The following PCDHGA5 variants were observed in gnomAD, a reference collection of about 807,000 sequenced individuals.
PCDHGA5 encodes protocadherin gamma subfamily A, 5.
In PCDHGA5, 36 loss-of-function variants were observed where a neutral mutation model predicts 56.7. The observed-to-expected ratio is 0.64, with a 90% CI of 0.49 to 0.84. PCDHGA5 has a LOEUF of 0.84. PCDHGA5 is among the 40% of genes least tolerant of loss of function. The pLI, the probability that PCDHGA5 is intolerant of heterozygous loss-of-function variation, is 0.00. For missense variants in PCDHGA5, 1,305 were observed against 1,201.5 expected, an observed-to-expected ratio of 1.09 and a Z score of -1.27; for synonymous variants, 563 against 520.2, an observed-to-expected ratio of 1.08 and a Z score of -1.12.
chr5:141,415,959 C>T, intron 1 of PCDHGA5: 3 of 443,810 alleles, frequency 6.8e-6, no homozygotes, highest in Non-Finnish European at 1.1e-5. Context: ...CATATTGAAA[C>T]TCCAGCCCCT....
chr5:141,404,333 C>A, intron 1 of PCDHGA5: 3 of 1,613,854 alleles, frequency 1.9e-6, no homozygotes, highest in South Asian at 1.1e-5. Flanking sequence ...CTCAGTCTAC[C>A]TCCCGGAAAA....
rs759437302 is a variant in PCDHGA5, at chr5:141,476,861, T to C, written c.2422-17946T>C. On this transcript the variant is annotated intron_variant, in intron 1 of 3. Transcript: ENST00000518069. The surrounding 1 kb of genome is among the most constrained non-coding windows in gnomAD (Gnocchi z 7.6). Reference sequence around the variant, plus strand: ...TGCGCCTGTCTTCAACCAGTCCTTGTACCGGGCGCGCGTCCTGGAGGATGC... The same window carrying C: ...TGCGCCTGTCTTCAACCAGTCCTTGCACCGGGCGCGCGTCCTGGAGGATGC... 6.2e-7 allele frequency: 1 copy of C among 1,613,864 alleles called. No individual in the cohort carries two copies. The highest frequency in any genetic ancestry group is 1.7e-5 in the Admixed American group (1 of 60,034).
At chr5:141,459,710 C>T (rs2098973565) in intron 1 of PCDHGA5, among the ~76,000 whole-genome samples, 1 of 152,204 alleles carries the variant, frequency 6.6e-6, no homozygotes, top group Non-Finnish European at 1.5e-5. Flanking sequence ...CATTTTCTCA[C>T]CAATGCTTCC....
chr5:141,389,356 C>T lies in PCDHGA5; in HGVS notation c.2421+22605C>T, dbSNP rs188323445. 2.1e-5 allele frequency: 34 copies of T among 1,613,916 alleles called. No homozygotes were observed. The Middle Eastern group carries it at 1.6e-3, about 78-fold the overall frequency. ...GGCCAAGTCTCTTACTGCATCATGG[C>T]CAGTGACCTGGAGCAGCGGGAGCTG... On this transcript the variant is annotated intron_variant, in intron 1 of 3. Transcript: ENST00000518069.
chr5:141,427,052 C>T (rs79280874), intron 1 of PCDHGA5: 9,800 of 457,514 alleles, frequency 0.021, 162 homozygotes, highest in Middle Eastern at 0.051. Flanking sequence ...TGCCCCCAGG[C>T]ACCTCTGTAC....
intron 1 of PCDHGA5, chr5:141,371,905 A>G (rs768388601): frequency 6.2e-7 from 1 of 1,613,358 alleles, no homozygotes; most frequent in Non-Finnish European, 8.5e-7. Context: ...CTGTCGTCCT[A>G]CGTGTCCGTG....
intron 1 of PCDHGA5, chr5:141,415,234 A>G: frequency 1.2e-6 from 2 of 1,614,136 alleles, no homozygotes; most frequent in Non-Finnish European, 1.7e-6. Context: ...GTCTCCAGCT[A>G]ACTCTGAAAC....
chr5:141,374,476 C>A, intron 1 of PCDHGA5: 3 of 1,612,124 alleles, frequency 1.9e-6, no homozygotes, highest in Non-Finnish European at 1.7e-6. Context: ...ACAATACACC[C>A]CGATTCTTAA....
chr5:141,448,439 C>T (rs182359185), intron 1 of PCDHGA5, among the ~76,000 whole-genome samples: 7 of 152,232 alleles, frequency 4.6e-5, no homozygotes, highest in Admixed American at 4.6e-4. Context: ...ATTGAGAAGT[C>T]TGACTTCCAT....
Position 141,432,248 on chromosome 5 carries a change from C to T in PCDHGA5, c.2422-62559C>T. Reference sequence around the variant, plus strand: ...TTATTCCCTGGCTGAGAACACCATCCAAGGGGCAAGCCTATCGTCCTACGT... The same window carrying T: ...TTATTCCCTGGCTGAGAACACCATCTAAGGGGCAAGCCTATCGTCCTACGT... On this transcript the variant is annotated intron_variant, in intron 1 of 3. Transcript: ENST00000518069. This position sits in a 1 kb window ranked among gnomAD's most constrained non-coding sequence, Gnocchi z 6.0. 1.2e-6 allele frequency: 2 copies of T among 1,614,244 alleles called. No individual in the cohort carries two copies. Among genetic ancestry groups the T allele is most frequent in the South Asian group, 1.1e-5 (1 of 91,090 alleles).
In PCDHGA5 at chr5:141,494,634, T is replaced by C. The variant is rs917243803; in HGVS notation, c.2422-173T>C. The C allele has an allele frequency of 1.1e-5, 10 of 889,216 alleles. No individual in the cohort carries two copies. In the African/African-American group the frequency reaches 1.8e-4, roughly 16 times the overall value. 55.1% of individuals were successfully genotyped at this position (889,216 alleles called of 1,614,324 possible). A position where few individuals can be genotyped will look rare whatever the true frequency, so the allele number is the denominator to read the frequency against. On this transcript the variant is annotated intron_variant, in intron 1 of 3. Coordinates refer to ENST00000518069, the MANE Select transcript of PCDHGA5 (RefSeq NM_018918.3). ...CTTGGTTTCTGGTACCTCAGACCTC[T>C]GAGACCTGAGGTGTATTTTGTCTTT...
intron 1 of PCDHGA5, chr5:141,430,690 G>A: frequency 1.4e-6 from 2 of 1,410,426 alleles, no homozygotes; most frequent in Non-Finnish European, 1.9e-6. Flanking sequence ...CCCATTCTAT[G>A]GGCGAAGGAA....
At chr5:141,453,464 C>A (rs186131587) in intron 1 of PCDHGA5, among the ~76,000 whole-genome samples, 16 of 152,090 alleles carry the variant, frequency 1.1e-4, no homozygotes, top group Non-Finnish European at 1.9e-4. Flanking sequence ...AAAACATTAA[C>A]ATAAAGTCAA....
At chr5:141,497,540 C>T (rs866982821) in intron 2 of PCDHGA5, among the ~76,000 whole-genome samples, 5 of 134,944 alleles carry the variant, frequency 3.7e-5, no homozygotes, top group African/African-American at 1.1e-4. Context: ...TGCAACAAAC[C>T]TTTTTTTTTT....
chr5:141,432,969 C>T lies in PCDHGA5; in HGVS notation c.2422-61838C>T, dbSNP rs754836894. On this transcript the variant is annotated intron_variant, in intron 1 of 3. Coordinates refer to ENST00000518069, the MANE Select transcript of PCDHGA5 (RefSeq NM_018918.3). The surrounding 1 kb of genome is among the most constrained non-coding windows in gnomAD (Gnocchi z 6.0). ...GGAGGCGGCTTGACAGGAGCGCCGG[C>T]GTCGCACTTTGTGGGCGTGGACGGG... The T allele has an allele frequency of 3.7e-6, 6 of 1,614,030 alleles. No individual in the cohort carries two copies. In the African/African-American group the frequency reaches 8.0e-5, roughly 22 times the overall value.
intron 3 of PCDHGA5, among the ~76,000 whole-genome samples, chr5:141,506,861 G>A (rs2099856791): frequency 6.6e-6 from 1 of 152,178 alleles, no homozygotes; most frequent in African/African-American, 2.4e-5. Context: ...TGGAGGACTG[G>A]TGGGTAGAGA....
intron 1 of PCDHGA5, chr5:141,399,330 A>G: frequency 6.2e-7 from 1 of 1,613,994 alleles, no homozygotes; most frequent in South Asian, 1.1e-5. Flanking sequence ...ATAAGTTGGT[A>G]ACAGATGGAA....
chr5:141,417,800 C>T, intron 1 of PCDHGA5: 1 of 1,489,386 alleles, frequency 6.7e-7, no homozygotes. Context: ...TCTTTTAGCG[C>T]GGTAGAGTGC....
intron 1 of PCDHGA5, chr5:141,394,033 G>C (rs1242755844): frequency 1.2e-6 from 2 of 1,613,422 alleles, no homozygotes; most frequent in Non-Finnish European, 1.7e-6. Context: ...TTAGTGACAA[G>C]GAAATATTTG....
Sources: gnomAD v4.1 joint callset for allele counts (sites outside exome capture counted in the v4.1 genomes callset) on GRCh38, gnomAD v4.1.1 for gene constraint, Gnocchi (gnomAD v3.1) non-coding constraint, MANE v1.5 for transcripts, NCBI Gene and HGNC (gene_info 2026-07-23, HGNC 2026-07-21) for gene names.